Variants in RANBP17 observed in about 807,000 individuals in gnomAD.
RANBP17 encodes the protein RAN binding protein 17, also known as ran-binding protein 17.
Under a neutral mutation model 141.2 loss-of-function variants are expected in RANBP17, and 158 were observed. The ratio of observed to expected loss-of-function variants is 1.12; its 90% CI spans 0.98 to 1.28. The LOEUF (loss-of-function observed/expected upper bound fraction) is 1.28, where lower values mean the gene tolerates loss of function less well. Ranked by LOEUF, RANBP17 falls within the 50% of genes most tolerant of loss-of-function variation. The pLI, the probability that RANBP17 is intolerant of heterozygous loss-of-function variation, is 0.00. For missense variants in RANBP17, 1,438 were observed against 1,290.7 expected, an observed-to-expected ratio of 1.11 and a Z score of -1.75; for synonymous variants, 430 against 450.0, an observed-to-expected ratio of 0.96 and a Z score of 0.56.
chr5:170,874,506 G>A (rs1768004106), intron 1 of RANBP17, among the ~76,000 whole-genome samples: 1 of 152,156 alleles, frequency 6.6e-6, no homozygotes, highest in African/African-American at 2.4e-5. Context: ...TATGAATCTG[G>A]ATGCTCCTGC....
At chr5:170,985,124 TACAC>T (rs888558912) in intron 14 of RANBP17, among the ~76,000 whole-genome samples, 4 of 149,586 alleles carry the variant, frequency 2.7e-5, no homozygotes, top group African/African-American at 7.4e-5. Context: ...AACACATACA[TACAC>T]AAACACAGAC....
chr5:171,089,317 C>A (rs1362660943), intron 14 of RANBP17, among the ~76,000 whole-genome samples: 4 of 121,598 alleles, frequency 3.3e-5, no homozygotes, highest in Non-Finnish European at 7.3e-5. Context: ...TCTGCCCGTT[C>A]TCAGATCTCC....
At chr5:171,208,486 C>A (rs762791616) in intron 20 of RANBP17, among the ~76,000 whole-genome samples, 1 of 152,160 alleles carries the variant, frequency 6.6e-6, no homozygotes, top group African/African-American at 2.4e-5. Flanking sequence ...CTAGATCATA[C>A]TTAAACTGAA....
At chr5:171,239,751 A>G (rs1764747514) in intron 22 of RANBP17, among the ~76,000 whole-genome samples, 1 of 152,186 alleles carries the variant, frequency 6.6e-6, no homozygotes, top group African/African-American at 2.4e-5. Flanking sequence ...TTGCTTCTGT[A>G]AGTGTGCTAC....
At chr5:171,180,228 A>G (rs1760786194) in intron 16 of RANBP17, among the ~76,000 whole-genome samples, 1 of 152,178 alleles carries the variant, frequency 6.6e-6, no homozygotes, top group Non-Finnish European at 1.5e-5. Context: ...TTTCAATTGT[A>G]TTTCAAGAAG....
chr5:171,112,939 A>G (rs754591275), intron 14 of RANBP17, among the ~76,000 whole-genome samples: 2 of 152,196 alleles, frequency 1.3e-5, no homozygotes, highest in Non-Finnish European at 2.9e-5. Flanking sequence ...TATGCCCACA[A>G]GCAAAGTTAT....
At chr5:171,055,882 A>C (rs1462944644) in intron 14 of RANBP17, among the ~76,000 whole-genome samples, 8 of 58,772 alleles carry the variant, frequency 1.4e-4, no homozygotes, top group African/African-American at 1.8e-4. Context: ...CCTGTTGCCA[A>C]AAAAAAAAAA....
chr5:170,913,249 C>T (rs1240456617), intron 7 of RANBP17, among the ~76,000 whole-genome samples: 1 of 151,934 alleles, frequency 6.6e-6, no homozygotes, highest in Non-Finnish European at 1.5e-5. Flanking sequence ...ATGGGCACTT[C>T]AACACAAGAT....
intron 14 of RANBP17, chr5:171,028,814 G>C (rs998260049): frequency 1.2e-6 from 1 of 834,556 alleles, no homozygotes; most frequent in Non-Finnish European, 1.7e-6. Flanking sequence ...TCCTAAGAAA[G>C]GAGAATTCAT....
Position 170,863,918 on chromosome 5 carries a change from C to G in RANBP17, c.18+1867C>G, listed in dbSNP as rs74418563. On this transcript the variant is annotated intron_variant, in intron 1 of 27. Coordinates refer to ENST00000523189, the MANE Select transcript of RANBP17 (RefSeq NM_022897.5). ...AAGCGGAGTTGGACAAATAAAAGAT[C>G]AGACAGTTTTGTTGACTAGAAAAAA... is the stretch of plus-strand genomic sequence containing the variant. 2.0e-3 allele frequency among the ~76,000 whole-genome samples: 298 copies of G among 152,286 alleles called. 2 individuals are homozygous for G. Among genetic ancestry groups the G allele is most frequent in the African/African-American group, 6.8e-3 (282 of 41,568 alleles).
intron 18 of RANBP17, among the ~76,000 whole-genome samples, chr5:171,184,169 G>T (rs1761067566): frequency 6.6e-6 from 1 of 152,150 alleles, no homozygotes; most frequent in Admixed American, 6.5e-5. Context: ...ATATCAAATA[G>T]TTGCATTCCC....
At chr5:171,291,513 C>T (rs539551149) in intron 25 of RANBP17, among the ~76,000 whole-genome samples, 3 of 152,200 alleles carry the variant, frequency 2.0e-5, no homozygotes, top group Admixed American at 6.5e-5. Context: ...TGTGACTCAC[C>T]GTGGGCCGGG....
chr5:170,933,912 T>C lies in RANBP17; in HGVS notation c.1468+9362T>C, dbSNP rs1428147824. On this transcript the variant is annotated intron_variant, in intron 12 of 27. Transcript: ENST00000523189. ...TCTGTTGATTTGGGGTGGAGCGTTCTGTAGATGTCTATTAGGTCTGCTTGG... is the reference window on the plus strand; with the variant it reads ...TCTGTTGATTTGGGGTGGAGCGTTCCGTAGATGTCTATTAGGTCTGCTTGG... Among the ~76,000 whole-genome samples the C allele has an allele frequency of 3.3e-5, 5 of 152,228 alleles. No homozygotes were observed. The East Asian group carries it at 9.6e-4, about 29-fold the overall frequency.
At chr5:171,269,587 C>T (rs1298444816) in intron 25 of RANBP17, among the ~76,000 whole-genome samples, 2 of 152,176 alleles carry the variant, frequency 1.3e-5, no homozygotes, top group Non-Finnish European at 2.9e-5. Flanking sequence ...CCTTATAAAT[C>T]AGCCCTGAAG....
intron 14 of RANBP17, among the ~76,000 whole-genome samples, chr5:171,059,005 AGTT>A (rs1157072018): frequency 2.3e-4 from 34 of 149,742 alleles, no homozygotes; most frequent in African/African-American, 8.4e-4. Context: ...TTTTTGATGG[AGTT>A]GTTTTTTTTT....
rs71787034 is a variant in RANBP17, at chr5:170,954,511, TACACACAC to T, written c.1574+836_1574+843del. ...GTGCCTGGCAATTAGTGGTATATTT[TACACACAC>T]ACACACACACACACACACACACACA... is the stretch of plus-strand genomic sequence containing the variant. On this transcript the variant is annotated intron_variant, in intron 13 of 27. Transcript: ENST00000523189. Among the ~76,000 whole-genome samples, 610 of 125,726 alleles carry T rather than the reference TACACACAC, an allele frequency of 4.9e-3. 2 individuals carry two copies. The highest frequency in any genetic ancestry group is 0.02 in the South Asian group (72 of 3,558). The allele number at this position is 125,726 out of a possible 152,430, so 82.5% of individuals were successfully genotyped here. A position where few individuals can be genotyped will look rare whatever the true frequency, so the allele number is the denominator to read the frequency against.
chr5:171,033,795 G>A (rs1436145395), intron 14 of RANBP17, among the ~76,000 whole-genome samples: 1 of 152,050 alleles, frequency 6.6e-6, no homozygotes, highest in African/African-American at 2.4e-5. Context: ...AAAGCCCAGG[G>A]TACTGACTTT....
At chr5:171,148,140 T>A (rs1016744385) in intron 14 of RANBP17, among the ~76,000 whole-genome samples, 1 of 152,030 alleles carries the variant, frequency 6.6e-6, no homozygotes, top group Non-Finnish European at 1.5e-5. Flanking sequence ...CAGGGTTAAA[T>A]GGATTAAGGG....
chr5:171,137,571 G>GGGGTGT (rs757634108), intron 14 of RANBP17, among the ~76,000 whole-genome samples: 14 of 63,122 alleles, frequency 2.2e-4, no homozygotes, highest in East Asian at 9.1e-4. Context: ...GTTGACTTGA[G>GGGGTGT]ATGTGTGTGT....
Sources: gnomAD v4.1 joint callset for allele counts (sites outside exome capture counted in the v4.1 genomes callset) on GRCh38, gnomAD v4.1.1 for gene constraint, MANE v1.5 for transcripts, NCBI Gene and HGNC (gene_info 2026-07-23, HGNC 2026-07-21) for gene names.